The following CHN2 variants were observed in gnomAD, a reference collection of about 807,000 sequenced individuals.
The protein encoded by CHN2 is beta-chimaerin.
Under a neutral mutation model 56.3 loss-of-function variants are expected in CHN2, and 35 were observed. That is an observed-to-expected ratio of 0.62 (90% CI 0.47 to 0.82). The LOEUF is 0.82. Ranked by LOEUF, CHN2 falls within the 40% of genes least tolerant of loss-of-function variation. CHN2 has a pLI of 0.00. For synonymous variants in CHN2, 210 were observed against 212.8 expected (o/e 0.99, Z 0.12); for missense variants, 491 against 580.5 (o/e 0.85, Z 1.58).
intron 1 of CHN2, among the ~76,000 whole-genome samples, chr7:29,216,292 G>A (rs574193311): frequency 6.6e-6 from 1 of 152,240 alleles, no homozygotes; most frequent in South Asian, 2.1e-4. Context: ...TGGTAGAGGC[G>A]CTTGGGTAGG....
chr7:29,169,175 A>G (rs1796287881), intron 2 of CHN2, among the ~76,000 whole-genome samples: 1 of 152,122 alleles, frequency 6.6e-6, no homozygotes, highest in Non-Finnish European at 1.5e-5. Flanking sequence ...TATGCATTGT[A>G]TATTCAGTAC....
chr7:29,192,446 A>G (rs992337595), upstream of CHN2: 3 of 152,274 alleles, frequency 2.0e-5, no homozygotes, highest in East Asian at 5.8e-4. Context: ...GAGATGAATA[A>G]TGAAACCTGT....
chr7:29,189,249 G>A (rs1584652748), intron 2 of CHN2, among the ~76,000 whole-genome samples: 1 of 152,092 alleles, frequency 6.6e-6, no homozygotes, highest in Admixed American at 6.6e-5. Context: ...ACCGCGCCCA[G>A]CCAGTTTCCC....
At chr7:29,440,235 C>A (rs1193109222) in intron 6 of CHN2, among the ~76,000 whole-genome samples, 2 of 152,126 alleles carry the variant, frequency 1.3e-5, no homozygotes, top group Non-Finnish European at 2.9e-5. Flanking sequence ...GTAGTATATA[C>A]CTAAGACAAC....
chr7:29,412,692 C>G (rs1345999640), intron 6 of CHN2, among the ~76,000 whole-genome samples: 1 of 152,082 alleles, frequency 6.6e-6, no homozygotes, highest in East Asian at 1.9e-4. Flanking sequence ...TTCCGGGAAA[C>G]TTTTTTAACA....
intron 1 of CHN2, among the ~76,000 whole-genome samples, chr7:29,299,222 G>A (rs991201930): frequency 2.6e-5 from 4 of 152,120 alleles, no homozygotes; most frequent in Non-Finnish European, 5.9e-5. Flanking sequence ...GAGTTTCTCC[G>A]GGGACCCCTT....
intron 1 of CHN2, among the ~76,000 whole-genome samples, chr7:29,209,739 G>C (rs1341215298): frequency 6.6e-6 from 1 of 152,186 alleles, no homozygotes; most frequent in African/African-American, 2.4e-5. Flanking sequence ...TTTCATTTAT[G>C]AGAAATAGTG....
At chr7:29,177,340 G>C (rs958017608) in intron 2 of CHN2, among the ~76,000 whole-genome samples, 12 of 151,908 alleles carry the variant, frequency 7.9e-5, no homozygotes, top group African/African-American at 2.9e-4. Flanking sequence ...TGCAACCTCT[G>C]CCTCCCGGGT....
At chr7:29,386,746 A>G (rs1285132463) in intron 3 of CHN2, among the ~76,000 whole-genome samples, 2 of 152,252 alleles carry the variant, frequency 1.3e-5, no homozygotes, top group Admixed American at 1.3e-4. Context: ...GTTTGGGAAT[A>G]CACGTGAATC....
chr7:29,305,038 T>C (rs1480170990), intron 1 of CHN2, among the ~76,000 whole-genome samples: 1 of 152,146 alleles, frequency 6.6e-6, no homozygotes, highest in Non-Finnish European at 1.5e-5. Context: ...TTAGATCCTG[T>C]CCTGGAGAGC....
intron 6 of CHN2, among the ~76,000 whole-genome samples, chr7:29,445,596 T>C (rs1783976928): frequency 6.6e-6 from 1 of 152,202 alleles, no homozygotes; most frequent in Admixed American, 6.5e-5. Context: ...AAGGACCGTT[T>C]TTTCTTTTTT....
intron 1 of CHN2, among the ~76,000 whole-genome samples, chr7:29,225,448 A>G (rs1157937785): frequency 1.3e-5 from 2 of 152,112 alleles, no homozygotes; most frequent in Non-Finnish European, 2.9e-5. Flanking sequence ...GCCCACCAAA[A>G]CCAATATATG....
intron 4 of CHN2, chr7:29,398,063 G>T (rs879462124): frequency 2.0e-4 from 45 of 222,648 alleles, no homozygotes; most frequent in Non-Finnish European, 2.9e-4. Context: ...AAAAAAGGGG[G>T]GGGGGGGGCG....
intron 2 of CHN2, among the ~76,000 whole-genome samples, chr7:29,189,618 A>G (rs1473955570): frequency 6.6e-6 from 1 of 152,120 alleles, no homozygotes; most frequent in Non-Finnish European, 1.5e-5. Context: ...AACATATTCA[A>G]TGAGTTTCTG....
At chr7:29,229,013 G>A (rs56821636) in intron 1 of CHN2, among the ~76,000 whole-genome samples, 2,821 of 152,308 alleles carry the variant, frequency 0.019, 93 homozygotes, top group African/African-American at 0.065. Flanking sequence ...GGATGGACTC[G>A]ATTGCCAGCT....
chr7:29,262,405 T>TA (rs1457658471), intron 1 of CHN2, among the ~76,000 whole-genome samples: 1 of 152,242 alleles, frequency 6.6e-6, no homozygotes, highest in Non-Finnish European at 1.5e-5. Flanking sequence ...GTTAATACTT[T>TA]AAACTATTTC....
chr7:29,341,912 T>C (rs1797075952), intron 1 of CHN2, among the ~76,000 whole-genome samples: 1 of 152,200 alleles, frequency 6.6e-6, no homozygotes. Context: ...CATGTGGCCT[T>C]GGGAAAGTGA....
At chr7:29,296,848 C>G (rs1036143823) in intron 1 of CHN2, among the ~76,000 whole-genome samples, 11 of 152,156 alleles carry the variant, frequency 7.2e-5, no homozygotes, top group African/African-American at 2.4e-4. Flanking sequence ...AGAGTGACTT[C>G]TTAGGGGTAA....
chr7:29,302,312 C>T (rs1031768544), intron 1 of CHN2, among the ~76,000 whole-genome samples: 8 of 147,786 alleles, frequency 5.4e-5, no homozygotes, highest in Admixed American at 1.4e-4. Flanking sequence ...CCTTCTTCTC[C>T]TTCCTTCCTT....
Sources: allele counts gnomAD v4.1 joint callset (sites outside exome capture counted in the v4.1 genomes callset), GRCh38; gene constraint gnomAD v4.1.1; transcripts MANE v1.5; gene names NCBI Gene and HGNC (gene_info 2026-07-23, HGNC 2026-07-21).